The following DOLPP1 variants were observed in gnomAD, a reference collection of about 807,000 sequenced individuals.
The protein encoded by DOLPP1 is dolichyl pyrophosphate phosphatase 1.
DOLPP1 carries 15 observed loss-of-function variants against 34.1 expected under a neutral mutation model. That is an observed-to-expected ratio of 0.44 (90% CI 0.29 to 0.68). The LOEUF is 0.68. Ranked by LOEUF, DOLPP1 falls within the 30% of genes least tolerant of loss-of-function variation. The probability of loss-of-function intolerance (pLI) is 0.12; values close to 1 mark genes in which losing one functional copy is unlikely to be tolerated. For missense variants in DOLPP1, 249 were observed against 307.1 expected (o/e 0.81, Z 1.41); for synonymous variants, 130 against 128.2 (o/e 1.01, Z -0.10).
intron 1 of DOLPP1, among the ~76,000 whole-genome samples, chr9:129,084,031 T>A (rs1364550415): frequency 6.6e-6 from 1 of 152,238 alleles, no homozygotes; most frequent in Non-Finnish European, 1.5e-5. Flanking sequence ...AATCAATAGG[T>A]AGGCAGTTTC....
chr9:129,086,316 T>C (rs776030559), intron 6 of DOLPP1, 49 bp downstream of exon 6: 2 of 1,604,668 alleles, frequency 1.2e-6, no homozygotes, highest in Admixed American at 1.7e-5. Context: ...TCCCCTCCTG[T>C]GGGTGGGGCC....
Position 129,081,129 on chromosome 9 carries a change from A to C in DOLPP1, c.-3A>C. ...GCTCGAAGAAGCCCGGTCTCCGGGT[A>C]AGATGGCAGCGGACGGACAGTGCTC... On this transcript the variant is annotated 5_prime_UTR_variant, in exon 1 of 8. Coordinates refer to ENST00000372546, the MANE Select transcript of DOLPP1 (RefSeq NM_020438.5). 6.2e-7 allele frequency: 1 copy of C among 1,607,922 alleles called. No individual in the cohort carries two copies. The highest frequency in any genetic ancestry group is 8.5e-7 in the Non-Finnish European group (1 of 1,179,154).
chr9:129,088,635 G>A (rs949924272), intron 7 of DOLPP1, among the ~76,000 whole-genome samples: 4 of 152,254 alleles, frequency 2.6e-5, no homozygotes, highest in African/African-American at 4.8e-5. Context: ...GTGCTGCCTC[G>A]TCTATAAAGC....
rs1847061249 is a variant in DOLPP1 at position 129,089,721 on chromosome 9, G to A, written c.*714G>A. On this transcript the variant is annotated 3_prime_UTR_variant, in exon 8 of 8. Transcript: ENST00000372546. The surrounding 1 kb of genome is among the most constrained non-coding windows in gnomAD (Gnocchi z 4.9). ...GCTTTCTCTGGTCCCCTGTCCCTAA[G>A]ACAATAATCGCTTTCTGACAAAGGA... 1 of 152,734 alleles carries A rather than the reference G, an allele frequency of 6.5e-6. No individual in the cohort carries two copies. The highest frequency in any genetic ancestry group is 2.1e-4 in the South Asian group (1 of 4,834). The allele number at this position is 152,734 out of a possible 1,614,324, so 9.5% of individuals were successfully genotyped here. A position where few individuals can be genotyped will look rare whatever the true frequency, so the allele number is the denominator to read the frequency against.
At chr9:129,087,352 G>C (rs971899593) in intron 7 of DOLPP1, among the ~76,000 whole-genome samples, 1 of 135,644 alleles carries the variant, frequency 7.4e-6, no homozygotes, top group African/African-American at 2.8e-5. Flanking sequence ...GTCTCGCTCT[G>C]TCGCCCAGGC....
chr9:129,086,306 T>G (rs1447777196), intron 6 of DOLPP1, 39 bp downstream of exon 6: 1 of 1,609,080 alleles, frequency 6.2e-7, no homozygotes, highest in Non-Finnish European at 8.5e-7. Context: ...GTGGGCCCTG[T>G]CCCCTCCTGT....
rs770443047 is a variant in DOLPP1 at position 129,081,176 on chromosome 9, G to A, written c.45G>A (p.Pro15=). Residue 15 remains proline (P), a synonymous_variant, in exon 1 of 8, where the codon CCG becomes CCA. Coordinates refer to ENST00000372546, the MANE Select transcript of DOLPP1 (RefSeq NM_020438.5). The part of the protein sequence containing the change: ...GQCSLPASWR[P]VTLTHVEYPA... ...GCTCGCTCCCCGCTTCATGGCGGCC[G>A]GTGACCCTCACCCACGTCGAATATC... 2 of 1,609,910 alleles carry A rather than the reference G, an allele frequency of 1.2e-6. No individual in the cohort carries two copies. Among genetic ancestry groups the A allele is most frequent in the South Asian group, 1.1e-5 (1 of 91,012 alleles).
In DOLPP1 at chr9:129,089,059, G is replaced by A; in HGVS notation, c.*52G>A. ...CCAGATCTGGCCCGCACGATGCCTT[G>A]CAGGATGGACAGGATGACAGACAGG... On this transcript the variant is annotated 3_prime_UTR_variant, in exon 8 of 8. Transcript: ENST00000372546. The surrounding 1 kb of genome is among the most constrained non-coding windows in gnomAD (Gnocchi z 4.9). The A allele has an allele frequency of 6.3e-7, 1 of 1,591,976 alleles. No individual in the cohort carries two copies. The highest frequency in any genetic ancestry group is 8.6e-7 in the Non-Finnish European group (1 of 1,160,924).
At chr9:129,086,611 G>A (rs1293711673) in intron 6 of DOLPP1, 98 bp from the exon 7 acceptor site, 29 of 1,243,704 alleles carry the variant, frequency 2.3e-5, no homozygotes, top group African/African-American at 2.9e-5. Context: ...CAGTCGGGGC[G>A]GGTGCCGTGC....
intron 1 of DOLPP1, among the ~76,000 whole-genome samples, chr9:129,081,745 G>A (rs1343113297): frequency 6.6e-6 from 1 of 152,240 alleles, no homozygotes; most frequent in Non-Finnish European, 1.5e-5. Context: ...GACCCGATGA[G>A]GGGGCGGGCA....
rs774499639 is a variant in DOLPP1 at position 129,085,008 on chromosome 9, C to T, written c.178-15C>T. ...GTGCACAGAGGCCCAGCTGACCATG[C>T]GTCTTCCCCAGCAGATCTCCTTCCT... On this transcript the variant is annotated splice_polypyrimidine_tract_variant and intron_variant, in intron 2 of 7. Transcript: ENST00000372546. This position sits in a 1 kb window ranked among gnomAD's most constrained non-coding sequence, Gnocchi z 7.0. 27 of 1,552,538 alleles carry T rather than the reference C, an allele frequency of 1.7e-5. No individual in the cohort carries two copies. Among genetic ancestry groups the T allele is most frequent in the Middle Eastern group, 1.8e-4 (1 of 5,568 alleles).
intron 1 of DOLPP1, among the ~76,000 whole-genome samples, chr9:129,082,569 C>G (rs1389352917): frequency 1.3e-5 from 2 of 152,208 alleles, no homozygotes; most frequent in African/African-American, 2.4e-5. Context: ...AGAGTAGCTT[C>G]TTGGAGTGCT....
In DOLPP1 at chr9:129,085,339, A is replaced by C. The variant is rs899108497; in HGVS notation, c.362+33A>C. Reference sequence around the variant, plus strand: ...TCCACCCCGGTCAGGATGGCCCTGAACTTGCTCAGGCCGAGTTCTGCTAGG... The same window carrying C: ...TCCACCCCGGTCAGGATGGCCCTGACCTTGCTCAGGCCGAGTTCTGCTAGG... On this transcript the variant is annotated intron_variant, in intron 4 of 7. Transcript: ENST00000372546. The surrounding 1 kb of genome is among the most constrained non-coding windows in gnomAD (Gnocchi z 7.0). The C allele has an allele frequency of 1.3e-5, 21 of 1,595,894 alleles. No individual in the cohort carries two copies. Among genetic ancestry groups the C allele is most frequent in the Non-Finnish European group, 1.7e-5 (20 of 1,163,636 alleles).
intron 6 of DOLPP1, 28 bp from the exon 7 acceptor site, chr9:129,086,681 C>T (rs1423203391): frequency 6.2e-7 from 1 of 1,605,150 alleles, no homozygotes; most frequent in Admixed American, 1.7e-5. Flanking sequence ...CTGATGTGCC[C>T]CTGGCTCTCT....
At chr9:129,088,727 TC>T (rs1276016950) in intron 7 of DOLPP1, among the ~76,000 whole-genome samples, 6 of 152,120 alleles carry the variant, frequency 3.9e-5, no homozygotes, top group Non-Finnish European at 1.5e-5. Flanking sequence ...CCTGCTCCAA[TC>T]CCCTGGCTCC....
chr9:129,081,115 C>G lies in DOLPP1; in HGVS notation c.-17C>G. Reference sequence around the variant, plus strand: ...GCTCCCCATTGGCTGCTCGAAGAAGCCCGGTCTCCGGGTAAGATGGCAGCG... The same window carrying G: ...GCTCCCCATTGGCTGCTCGAAGAAGGCCGGTCTCCGGGTAAGATGGCAGCG... On this transcript the variant is annotated 5_prime_UTR_variant, in exon 1 of 8. Transcript: ENST00000372546. 6.2e-7 allele frequency: 1 copy of G among 1,604,734 alleles called. No individual in the cohort carries two copies. Among genetic ancestry groups the G allele is most frequent in the Non-Finnish European group, 8.5e-7 (1 of 1,178,558 alleles).
Position 129,086,145 on chromosome 9 carries a change from C to T in DOLPP1, c.468C>T (p.Tyr156=), listed in dbSNP as rs974609699. ...VAFLVSYSRV[Y]LLYHTWSQVL... ...GCTTCTGGCCTTGGCCCAGGGTCTACCTGCTGTACCACACCTGGAGCCAGG... is the reference window on the plus strand; with the variant it reads ...GCTTCTGGCCTTGGCCCAGGGTCTATCTGCTGTACCACACCTGGAGCCAGG... Residue 156 remains tyrosine, a synonymous_variant, in exon 6 of 8, where the codon TAC becomes TAT. Coordinates refer to ENST00000372546, the MANE Select transcript of DOLPP1 (RefSeq NM_020438.5). The T allele has an allele frequency of 2.5e-6, 4 of 1,613,236 alleles. No individual in the cohort carries two copies. The highest frequency in any genetic ancestry group is 1.1e-5 in the South Asian group (1 of 91,084).
Position 129,085,285 on chromosome 9 carries a change from C to G in DOLPP1, c.341C>G (p.Ser114Cys). Residue 114 changes from serine to cysteine, a missense_variant, in exon 4 of 8, where the codon TCC becomes TGC. By Grantham distance (112) the Ser-to-Cys change is moderately radical. Transcript: ENST00000372546. This position sits in a 1 kb window ranked among gnomAD's most constrained non-coding sequence, Gnocchi z 7.0. ...SQFMWFFSVYSFLFLYLRMHQ... is the reference protein window; with the variant it reads ...SQFMWFFSVYCFLFLYLRMHQ... ...TTTATGTGGTTCTTCTCCGTCTATT[C>G]CTTCCTTTTCCTGTATTTAAGGTGA... 1 of 1,614,068 alleles carries G rather than the reference C, an allele frequency of 6.2e-7. No homozygotes were observed. Among genetic ancestry groups the G allele is most frequent in the Non-Finnish European group, 8.5e-7 (1 of 1,179,988 alleles).
rs1189034528 is a variant in DOLPP1, at chr9:129,086,213, G to A, written c.536G>A (p.Trp179Ter). 6.2e-7 allele frequency: 1 copy of A among 1,613,484 alleles called. No individual in the cohort carries two copies. Among genetic ancestry groups the A allele is most frequent in the Non-Finnish European group, 8.5e-7 (1 of 1,180,000 alleles). ...GCTGGAGGCCTCATGGCCATCGCCT[G>A]GTTCATCTTCACCCAGGAGGTCCTC... ...GIAGGLMAIA[W>*]FIFTQEVLTP... is the part of the protein sequence containing the mutation. The change falls in exon 6 of 8, where the codon TGG (tryptophan) becomes TAG (stop). Residue 179 changes from tryptophan to a stop codon, truncating the protein, a stop_gained. Transcript: ENST00000372546. LOFTEE classifies it high-confidence loss of function.
Sources: gnomAD v4.1 joint callset for allele counts (sites outside exome capture counted in the v4.1 genomes callset) on GRCh38, gnomAD v4.1.1 for gene constraint, Gnocchi (gnomAD v3.1) non-coding constraint, MANE v1.5 for transcripts, NCBI Gene and HGNC (gene_info 2026-07-23, HGNC 2026-07-21) for gene names.